The following CDKAL1 variants were observed in gnomAD, a reference collection of about 807,000 sequenced individuals.
CDKAL1 encodes the protein threonylcarbamoyladenosine tRNA methylthiotransferase.
CDKAL1 carries 32 observed loss-of-function variants against 68.2 expected under a neutral mutation model. That is an observed-to-expected ratio of 0.47 (90% CI 0.35 to 0.63). The LOEUF is 0.63. Ranked by LOEUF, CDKAL1 falls within the 30% of genes least tolerant of loss-of-function variation. The probability of loss-of-function intolerance (pLI) is 0.00; values close to 1 mark genes in which losing one functional copy is unlikely to be tolerated. For synonymous variants in CDKAL1, 234 were observed against 244.3 expected, an observed-to-expected ratio of 0.96 and a Z score of 0.39; for missense variants, 606 against 696.7, an observed-to-expected ratio of 0.87 and a Z score of 1.47.
intron 9 of CDKAL1, among the ~76,000 whole-genome samples, chr6:20,889,091 T>C (rs546216535): frequency 0.016 from 2,473 of 152,288 alleles, 59 homozygotes; most frequent in African/African-American, 0.057. Context: ...TATCTCATTG[T>C]GGTTTTGGTT....
At chr6:20,650,567 A>G (rs1488693968) in intron 5 of CDKAL1, among the ~76,000 whole-genome samples, 1 of 152,052 alleles carries the variant, frequency 6.6e-6, no homozygotes, top group Non-Finnish European at 1.5e-5. Context: ...ATTAGATTCC[A>G]TTTGTCAATT....
At chr6:20,758,900 G>A (rs1056527594) in intron 7 of CDKAL1, among the ~76,000 whole-genome samples, 1 of 152,044 alleles carries the variant, frequency 6.6e-6, no homozygotes, top group Non-Finnish European at 1.5e-5. Context: ...TTGGGGCTGG[G>A]GCTGAGGCTG....
At chr6:20,651,122 TGAATCTACA>T (rs1333679383) in intron 5 of CDKAL1, among the ~76,000 whole-genome samples, 1 of 152,210 alleles carries the variant, frequency 6.6e-6, no homozygotes, top group Non-Finnish European at 1.5e-5. Context: ...GGAATAGTAT[TGAATCTACA>T]AATTACTTTG....
rs539425460 is a variant in CDKAL1 at position 21,060,095 on chromosome 6, G to A, written c.1056-4953G>A. ...TTCTTTCTCATCTATCTTTGAAATAGTTTCCATAGAATTGATTTTATCATT... is the reference window on the plus strand; with the variant it reads ...TTCTTTCTCATCTATCTTTGAAATAATTTCCATAGAATTGATTTTATCATT... On this transcript the variant is annotated intron_variant, in intron 11 of 15. Coordinates refer to ENST00000274695, the MANE Select transcript of CDKAL1 (RefSeq NM_017774.3). Among the ~76,000 whole-genome samples the A allele has an allele frequency of 7.9e-5, 12 of 152,170 alleles. No individual in the cohort carries two copies. The East Asian group carries it at 2.1e-3, about 27-fold the overall frequency.
intron 13 of CDKAL1, among the ~76,000 whole-genome samples, chr6:21,161,046 G>C (rs1326466081): frequency 2.6e-5 from 4 of 152,114 alleles, no homozygotes; most frequent in East Asian, 1.9e-4. Context: ...TGTTGGCTGG[G>C]GGGGTGCAGT....
chr6:20,977,889 G>GATA (rs759238067), intron 10 of CDKAL1, among the ~76,000 whole-genome samples: 2 of 151,840 alleles, frequency 1.3e-5, no homozygotes, highest in East Asian at 1.9e-4. Context: ...AAATATTAAT[G>GATA]ATAATAATAA....
At chr6:20,569,585 A>G (rs1437607138) in intron 4 of CDKAL1, among the ~76,000 whole-genome samples, 3 of 152,192 alleles carry the variant, frequency 2.0e-5, no homozygotes, top group African/African-American at 7.2e-5. Context: ...GCCAGCCACC[A>G]TAATGCTTAA....
At chr6:21,197,916 A>C (rs1352485860) in intron 13 of CDKAL1, 105 bp from the exon 14 acceptor site, 1 of 571,180 alleles carries the variant, frequency 1.8e-6, no homozygotes, top group African/African-American at 1.9e-5. Flanking sequence ...ATTCAAGAAG[A>C]CGCTACTTGG....
At chr6:21,044,939 C>T (rs72834364) in intron 11 of CDKAL1, among the ~76,000 whole-genome samples, 2,592 of 152,298 alleles carry the variant, frequency 0.017, 30 homozygotes, top group Non-Finnish European at 0.027. Context: ...AGGCTCATTC[C>T]TCACAGATGG....
chr6:20,813,967 CTTT>C (rs752839529), intron 8 of CDKAL1, among the ~76,000 whole-genome samples: 9 of 151,890 alleles, frequency 5.9e-5, no homozygotes, highest in Non-Finnish European at 1.2e-4. Context: ...AAAAATGCCT[CTTT>C]TATTATTGTC....
chr6:20,844,716 A>G (rs2150491831), intron 8 of CDKAL1, among the ~76,000 whole-genome samples: 1 of 151,782 alleles, frequency 6.6e-6, no homozygotes, highest in African/African-American at 2.4e-5. Flanking sequence ...AAAAACAAAA[A>G]CAAAAAAAAG....
chr6:20,726,084 A>G (rs1433864346), intron 5 of CDKAL1, among the ~76,000 whole-genome samples: 1 of 151,986 alleles, frequency 6.6e-6, no homozygotes, highest in Non-Finnish European at 1.5e-5. Flanking sequence ...GAGTATTTGC[A>G]TCTGAGAGTC....
Position 20,986,142 on chromosome 6 carries a change from A to T in CDKAL1, c.910-14085A>T, listed in dbSNP as rs1581968181. Among the ~76,000 whole-genome samples, 3 of 152,262 alleles carry T rather than the reference A, an allele frequency of 2.0e-5. No individual in the cohort carries two copies. In the South Asian group the frequency reaches 6.2e-4, roughly 32 times the overall value. On this transcript the variant is annotated intron_variant, in intron 10 of 15. Coordinates refer to ENST00000274695, the MANE Select transcript of CDKAL1 (RefSeq NM_017774.3). ...AAGTATTATGATCCCCTTGAGTCTA[A>T]GTGCTTGGGTGATTTGGACCCTGCT...
chr6:20,835,555 CT>C (rs1193301389), intron 8 of CDKAL1, among the ~76,000 whole-genome samples: 1 of 149,894 alleles, frequency 6.7e-6, no homozygotes, highest in Non-Finnish European at 1.5e-5. Context: ...TGTCTCTTTT[CT>C]TTTTTTTTGA....
At chr6:20,761,362 T>C (rs941428455) in intron 7 of CDKAL1, among the ~76,000 whole-genome samples, 1 of 152,196 alleles carries the variant, frequency 6.6e-6, no homozygotes, top group Non-Finnish European at 1.5e-5. Context: ...TGAAAGACAG[T>C]TTGGCAATTT....
At chr6:21,198,937 C>T (rs555671746) in intron 14 of CDKAL1, among the ~76,000 whole-genome samples, 51 of 152,348 alleles carry the variant, frequency 3.3e-4, no homozygotes, top group African/African-American at 1.1e-3. Flanking sequence ...AGATGGGATA[C>T]GCCCTCCTCT....
chr6:21,119,828 AG>A (rs1409891766), intron 13 of CDKAL1, among the ~76,000 whole-genome samples: 2 of 152,158 alleles, frequency 1.3e-5, no homozygotes, highest in African/African-American at 4.8e-5. Flanking sequence ...GTGAAAACTC[AG>A]TACTAGGTTC....
intron 8 of CDKAL1, among the ~76,000 whole-genome samples, chr6:20,802,019 G>A (rs1236682582): frequency 6.6e-6 from 1 of 152,080 alleles, no homozygotes. Flanking sequence ...AATGACGGCC[G>A]GGTGCAGTGG....
At chr6:21,058,230 C>T (rs1770943810) in intron 11 of CDKAL1, among the ~76,000 whole-genome samples, 1 of 152,180 alleles carries the variant, frequency 6.6e-6, no homozygotes, top group South Asian at 2.1e-4. Flanking sequence ...GGACAGTCAG[C>T]TTTTCTTGTT....
Sources: gnomAD v4.1 joint callset for allele counts (sites outside exome capture counted in the v4.1 genomes callset) on GRCh38, gnomAD v4.1.1 for gene constraint, MANE v1.5 for transcripts, NCBI Gene and HGNC (gene_info 2026-07-23, HGNC 2026-07-21) for gene names.